STX8: variants seen among roughly 807,000 people sequenced by gnomAD.
The protein encoded by STX8 is syntaxin-8.
In STX8, 23 loss-of-function variants were observed where a neutral mutation model predicts 37.5. That is an observed-to-expected ratio of 0.61 (90% confidence interval 0.44 to 0.87). The LOEUF (loss-of-function observed/expected upper bound fraction) is 0.87. Ranked by LOEUF, STX8 falls within the 40% of genes least tolerant of loss-of-function variation. STX8 has a pLI of 0.00. For synonymous variants in STX8, 115 were observed against 99.1 expected (o/e 1.16, Z -0.95); for missense variants, 313 against 284.7 (o/e 1.10, Z -0.71).
intron 5 of STX8, among the ~76,000 whole-genome samples, chr17:9,497,450 G>A (rs72818065): frequency 0.18 from 26,639 of 152,004 alleles, 2,518 homozygotes; most frequent in South Asian, 0.24. Context: ...GAAATGATAC[G>A]ATGTCTGGGA....
intron 6 of STX8, among the ~76,000 whole-genome samples, chr17:9,405,006 GTCTC>G (rs1912756657): frequency 6.6e-6 from 1 of 151,820 alleles, no homozygotes; most frequent in African/African-American, 2.4e-5. Context: ...CCTCTCCACA[GTCTC>G]TCTCATGATT....
At chr17:9,471,250 C>T (rs552043727) in intron 6 of STX8, among the ~76,000 whole-genome samples, 85 of 148,434 alleles carry the variant, frequency 5.7e-4, no homozygotes, top group Middle Eastern at 3.5e-3. Context: ...CTCCCGGGTT[C>T]AAGCAATTCT....
intron 7 of STX8, among the ~76,000 whole-genome samples, chr17:9,355,331 AC>A (rs1910840119): frequency 7.4e-6 from 1 of 135,800 alleles, no homozygotes; most frequent in Admixed American, 7.7e-5. Context: ...ACTTTGTGGA[AC>A]TTTTTTTTTT....
intron 4 of STX8, among the ~76,000 whole-genome samples, chr17:9,544,030 C>T (rs1251295301): frequency 6.6e-6 from 1 of 152,160 alleles, no homozygotes; most frequent in Non-Finnish European, 1.5e-5. Flanking sequence ...TGCCCCTCTG[C>T]CCCTCCACCG....
At chr17:9,308,605 C>A (rs984706521) in intron 7 of STX8, among the ~76,000 whole-genome samples, 1 of 151,906 alleles carries the variant, frequency 6.6e-6, no homozygotes, top group Non-Finnish European at 1.5e-5. Flanking sequence ...CGCCTGTAGT[C>A]CCAGCTACTT....
intron 6 of STX8, among the ~76,000 whole-genome samples, chr17:9,413,724 A>T (rs1369223048): frequency 6.6e-6 from 1 of 152,174 alleles, no homozygotes; most frequent in Non-Finnish European, 1.5e-5. Flanking sequence ...AAGCCAGAGA[A>T]CAAGGGCTTC....
At position 9,557,445 on chromosome 17, in the gene STX8, T is replaced by C. The variant is rs756924280; in HGVS notation, c.201A>G (p.Ser67=). Residue 67 remains serine, a synonymous_variant, in exon 3 of 8, where the codon TCA becomes TCG. Coordinates refer to ENST00000306357, the MANE Select transcript of STX8 (RefSeq NM_004853.3). The part of the protein sequence containing the change: ...LLKDLLLRAV[S]THQITQLEGD... ...GTTTACATGGATACATCTGATGTGTTGACACAGCTCTTAGCAATAAGTCCT... is the reference window on the plus strand; with the variant it reads ...GTTTACATGGATACATCTGATGTGTCGACACAGCTCTTAGCAATAAGTCCT... 4 of 1,613,624 alleles carry C rather than the reference T, an allele frequency of 2.5e-6. No individual in the cohort carries two copies. Among genetic ancestry groups the C allele is most frequent in the African/African-American group, 1.3e-5 (1 of 75,052 alleles).
chr17:9,472,001 C>T (rs952059742), intron 6 of STX8, among the ~76,000 whole-genome samples: 2 of 151,930 alleles, frequency 1.3e-5, no homozygotes, highest in African/African-American at 4.8e-5. Flanking sequence ...GAGACATGTA[C>T]CTCTATCTGT....
chr17:9,367,088 C>T (rs1230814778), intron 7 of STX8, among the ~76,000 whole-genome samples: 1 of 151,654 alleles, frequency 6.6e-6, no homozygotes, highest in Admixed American at 6.6e-5. Context: ...TATCAAAAGG[C>T]TTAACACTGT....
chr17:9,488,471 G>C (rs1378220415), intron 6 of STX8, among the ~76,000 whole-genome samples: 1 of 152,150 alleles, frequency 6.6e-6, no homozygotes, highest in Non-Finnish European at 1.5e-5. Flanking sequence ...CTCATCAGCT[G>C]ACCTCAACAT....
chr17:9,275,882 A>C (rs1172763079), intron 7 of STX8, among the ~76,000 whole-genome samples: 13 of 151,924 alleles, frequency 8.6e-5, no homozygotes, highest in African/African-American at 3.2e-4. Context: ...AAAGAAAAAA[A>C]AGAAAAAAAA....
chr17:9,486,087 AG>A (rs2142464893), intron 6 of STX8, among the ~76,000 whole-genome samples: 1 of 152,348 alleles, frequency 6.6e-6, no homozygotes, highest in East Asian at 1.9e-4. Flanking sequence ...TCCAGAGAGA[AG>A]GAAATAACTC....
intron 6 of STX8, among the ~76,000 whole-genome samples, chr17:9,379,696 C>T (rs527694035): frequency 3.3e-5 from 5 of 152,068 alleles, no homozygotes; most frequent in East Asian, 3.9e-4. Flanking sequence ...GGGCTGGGCA[C>T]GGTGGCTCAC....
At chr17:9,364,975 G>C (rs1911178828) in intron 7 of STX8, among the ~76,000 whole-genome samples, 2 of 152,258 alleles carry the variant, frequency 1.3e-5, no homozygotes, top group Admixed American at 6.5e-5. Flanking sequence ...TTGGGACAAA[G>C]AGCCAGAAAT....
intron 4 of STX8, among the ~76,000 whole-genome samples, chr17:9,512,399 AACAC>A: frequency 6.6e-6 from 1 of 152,192 alleles, no homozygotes; most frequent in Non-Finnish European, 1.5e-5. Flanking sequence ...CATAAAAACA[AACAC>A]ACAGACCAAT....
intron 6 of STX8, among the ~76,000 whole-genome samples, chr17:9,388,352 G>C (rs1285413940): frequency 1.3e-5 from 2 of 151,570 alleles, no homozygotes; most frequent in Admixed American, 1.3e-4. Context: ...GATTACAGGC[G>C]TGAGCCACCA....
intron 4 of STX8, among the ~76,000 whole-genome samples, chr17:9,535,424 CTTTTTTTTTTTTT>C (rs35962202): frequency 1.9e-5 from 1 of 51,550 alleles, no homozygotes; most frequent in African/African-American, 7.4e-5. Context: ...AGCCATCCTA[CTTTTTTTTTTTTT>C]TTTTTTTTTT....
intron 3 of STX8, among the ~76,000 whole-genome samples, chr17:9,546,242 T>G (rs1906501712): frequency 6.6e-6 from 1 of 152,238 alleles, no homozygotes; most frequent in African/African-American, 2.4e-5. Flanking sequence ...CACGCTAGAC[T>G]AGGAGCCCCA....
rs4791349 is a variant in STX8 at position 9,544,513 on chromosome 17, A to T, written c.323+659T>A. On this transcript the variant is annotated intron_variant, in intron 4 of 7. Transcript: ENST00000306357. ...TCTCAATATGCCAATTAAAAAAAAA[A>T]ACAAAAAACTGCTTTGCCCACACAG... Among the ~76,000 whole-genome samples, 438 of 152,090 alleles carry T rather than the reference A, an allele frequency of 2.9e-3. 3 individuals carry two copies. Among genetic ancestry groups the T allele is most frequent in the African/African-American group, 9.9e-3 (410 of 41,488 alleles).
Sources: allele counts gnomAD v4.1 joint callset (sites outside exome capture counted in the v4.1 genomes callset), GRCh38; gene constraint gnomAD v4.1.1; transcripts MANE v1.5; gene names NCBI Gene and HGNC (gene_info 2026-07-23, HGNC 2026-07-21).